CMTR1: variants seen among roughly 807,000 people sequenced by gnomAD.
CMTR1 encodes the protein cap-specific mRNA (nucleoside-2'-O-)-methyltransferase 1.
A neutral mutation model predicts 107.0 loss-of-function variants in CMTR1; 39 were observed. That is an observed-to-expected ratio of 0.36 (90% CI 0.28 to 0.48). The LOEUF is 0.48. Ranked by LOEUF, CMTR1 falls within the 20% of genes least tolerant of loss-of-function variation. The pLI is 0.99. For missense variants in CMTR1, 672 were observed against 1,064.9 expected (o/e 0.63, Z 5.14); for synonymous variants, 366 against 379.5 (o/e 0.96, Z 0.41).
At chr6:37,436,059 C>T (rs1285808528) in intron 2 of CMTR1, among the ~76,000 whole-genome samples, 1 of 152,190 alleles carries the variant, frequency 6.6e-6, no homozygotes, top group Non-Finnish European at 1.5e-5. Context: ...TAGTGGTGAG[C>T]ATTGAGTGCT....
At chr6:37,459,344 C>T (rs142963302) in intron 9 of CMTR1, among the ~76,000 whole-genome samples, 82 of 152,352 alleles carry the variant, frequency 5.4e-4, no homozygotes, top group Non-Finnish European at 1.1e-3. Context: ...GAGAAAGTTC[C>T]ACGAGTTGAT....
chr6:37,461,849 T>G, intron 11 of CMTR1, 121 bp from the exon 12 acceptor site: 5 of 1,155,676 alleles, frequency 4.3e-6, no homozygotes, highest in Non-Finnish European at 6.2e-6. Flanking sequence ...AAATTGTCTC[T>G]GAGTTTTAAC....
At chr6:37,444,901 CTGTAA>C (rs1771752165) in intron 3 of CMTR1, among the ~76,000 whole-genome samples, 1 of 152,134 alleles carries the variant, frequency 6.6e-6, no homozygotes, top group Non-Finnish European at 1.5e-5. Flanking sequence ...TGGCAGGTGC[CTGTAA>C]TCCCAGCTCC....
At chr6:37,475,060 G>T (rs754745503) in intron 18 of CMTR1, among the ~76,000 whole-genome samples, 4 of 152,224 alleles carry the variant, frequency 2.6e-5, no homozygotes, top group Non-Finnish European at 5.9e-5. Flanking sequence ...GATCCTGGCT[G>T]GAGTGCCATG....
At chr6:37,478,898 T>C (rs1382300098) in intron 22 of CMTR1, among the ~76,000 whole-genome samples, 1 of 151,972 alleles carries the variant, frequency 6.6e-6, no homozygotes, top group Non-Finnish European at 1.5e-5. Flanking sequence ...TCTGTCAGAG[T>C]CCTAGAGATG....
chr6:37,478,561 T>TC (rs764452279), intron 22 of CMTR1, 40 bp downstream of exon 22: 1 of 1,516,110 alleles, frequency 6.6e-7, no homozygotes, highest in Non-Finnish European at 9.2e-7. Flanking sequence ...CCCTCCCCTC[T>TC]CCCCTCTCCT....
chr6:37,480,049 G>A lies in CMTR1; in HGVS notation c.2412G>A (p.Gly804=), dbSNP rs1280217329. Residue 804 remains glycine, a synonymous_variant, in exon 24 of 24, where the codon GGG becomes GGA. Coordinates refer to ENST00000373451, the MANE Select transcript of CMTR1 (RefSeq NM_015050.3). ...CYYGRLFWEW[G]DGIRVHDSQK... The stretch of plus-strand genomic sequence containing the variant: ...ATGGCCGGCTCTTCTGGGAGTGGGG[G>A]GATGGCATTCGTGTGCATGACTCCC... 6.3e-7 allele frequency: 1 copy of A among 1,582,590 alleles called. No homozygotes were observed. Among genetic ancestry groups the A allele is most frequent in the Admixed American group, 1.9e-5 (1 of 52,892 alleles).
chr6:37,438,679 G>GT (rs1334087474), intron 2 of CMTR1, among the ~76,000 whole-genome samples: 1 of 152,188 alleles, frequency 6.6e-6, no homozygotes, highest in Non-Finnish European at 1.5e-5. Context: ...GGCAACAATA[G>GT]TATCTTTTCC....
At chr6:37,442,936 T>C (rs1472198860) in intron 2 of CMTR1, among the ~76,000 whole-genome samples, 1 of 152,246 alleles carries the variant, frequency 6.6e-6, no homozygotes, top group Non-Finnish European at 1.5e-5. Context: ...TCAAAGGAAT[T>C]ATGCCACATT....
At chr6:37,453,358 T>C (rs1038061582) in intron 8 of CMTR1, 46 bp downstream of exon 8, 2 of 1,524,772 alleles carry the variant, frequency 1.3e-6, no homozygotes, top group Admixed American at 1.7e-5. Context: ...TAAGAGGGCT[T>C]AAGTTTCAGT....
chr6:37,463,859 G>A (rs1395906316), intron 13 of CMTR1, among the ~76,000 whole-genome samples: 1 of 152,196 alleles, frequency 6.6e-6, no homozygotes, highest in South Asian at 2.1e-4. Flanking sequence ...AGGCACCAAG[G>A]TGGAGCAGAC....
intron 14 of CMTR1, 111 bp from the exon 15 acceptor site, chr6:37,471,736 A>G: frequency 4.6e-6 from 4 of 865,104 alleles, no homozygotes; most frequent in Non-Finnish European, 5.6e-6. Flanking sequence ...CTGTGTGTAC[A>G]CTCACATGTT....
upstream of CMTR1, among the ~76,000 whole-genome samples, chr6:37,432,437 T>A (rs1293105673): frequency 2.0e-5 from 3 of 152,186 alleles, no homozygotes; most frequent in Non-Finnish European, 4.4e-5. Context: ...TTGGAGTTAC[T>A]GGAGAAATTC....
chr6:37,451,988 G>A, intron 6 of CMTR1, 111 bp downstream of exon 6: 1 of 836,982 alleles, frequency 1.2e-6, no homozygotes, highest in Non-Finnish European at 1.9e-6. Context: ...TAAGATTTTT[G>A]CTGGAGATCA....
At chr6:37,478,776 G>A (rs767556043) in intron 22 of CMTR1, among the ~76,000 whole-genome samples, 2 of 152,228 alleles carry the variant, frequency 1.3e-5, no homozygotes, top group Non-Finnish European at 2.9e-5. Flanking sequence ...TTGTTCTCAT[G>A]GCAGGAAAAG....
At chr6:37,456,097 G>T (rs9470595) in intron 8 of CMTR1, among the ~76,000 whole-genome samples, 13,676 of 152,198 alleles carry the variant, frequency 0.09, 1,128 homozygotes, top group African/African-American at 0.22. Flanking sequence ...TGTTCGCATC[G>T]ATCATTCCGC....
chr6:37,463,141 G>A (rs1256811275), intron 13 of CMTR1, 133 bp downstream of exon 13: 14 of 883,664 alleles, frequency 1.6e-5, no homozygotes, highest in Non-Finnish European at 2.3e-5. Context: ...TGGTCTGCTG[G>A]TTTCAGGGCT....
chr6:37,431,990 G>C (rs1771388680), upstream of CMTR1, among the ~76,000 whole-genome samples: 1 of 152,114 alleles, frequency 6.6e-6, no homozygotes, highest in Admixed American at 6.5e-5. Context: ...TACTTTTTTT[G>C]TATCTTCAGT....
At chr6:37,430,583 G>A (rs1170266221), upstream of CMTR1, among the ~76,000 whole-genome samples, 1 of 151,768 alleles carries the variant, frequency 6.6e-6, no homozygotes, top group Non-Finnish European at 1.5e-5. Flanking sequence ...AATGCTCCCT[G>A]GGTCCCATGT....
Sources: allele counts gnomAD v4.1 joint callset (sites outside exome capture counted in the v4.1 genomes callset), GRCh38; gene constraint gnomAD v4.1.1; transcripts MANE v1.5; gene names NCBI Gene and HGNC (gene_info 2026-07-23, HGNC 2026-07-21).